PITPNM2: variants seen among roughly 807,000 people sequenced by gnomAD.
PITPNM2 encodes the protein membrane-associated phosphatidylinositol transfer protein 2.
A neutral mutation model predicts 132.2 loss-of-function variants in PITPNM2; 35 were observed. The ratio of observed to expected loss-of-function variants is 0.26; its 90% CI spans 0.20 to 0.35. PITPNM2 has a LOEUF of 0.35. Ranked by LOEUF, PITPNM2 falls within the 10% of genes least tolerant of loss-of-function variation. The pLI is 1.00. For missense variants in PITPNM2, 1,332 were observed against 1,912.0 expected (o/e 0.70, Z 5.66); for synonymous variants, 738 against 799.2 (o/e 0.92, Z 1.29).
chr12:123,138,099 T>C (rs949625996), intron 1 of PITPNM2, among the ~76,000 whole-genome samples: 1 of 151,980 alleles, frequency 6.6e-6, no homozygotes, highest in Non-Finnish European at 1.5e-5. Context: ...TATCAATGGA[T>C]GAATGAAGAA....
rs2043176007 is a variant in PITPNM2 at position 123,127,792 on chromosome 12, G to A, written c.-199-17304C>T. 7.2e-5 allele frequency among the ~76,000 whole-genome samples: 11 copies of A among 152,086 alleles called. No homozygotes were observed. The South Asian group carries it at 2.3e-3, about 32-fold the overall frequency. Reference sequence around the variant, plus strand: ...GCCTGGCTAATTTTTTGTATTTTTAGTAGAGACGGGGTTTCACCGCGTTAG... The same window carrying A: ...GCCTGGCTAATTTTTTGTATTTTTAATAGAGACGGGGTTTCACCGCGTTAG... On this transcript the variant is annotated intron_variant, in intron 1 of 25. Transcript: ENST00000320201.
chr12:123,036,722 G>A lies in PITPNM2; in HGVS notation c.-95-2037C>T, dbSNP rs559838988. Among the ~76,000 whole-genome samples, 1 of 152,322 alleles carries A rather than the reference G, an allele frequency of 6.6e-6. No individual in the cohort carries two copies. Among genetic ancestry groups the A allele is most frequent in the African/African-American group, 2.4e-5 (1 of 41,586 alleles). ...GACCCAGACTCCCCATGGTGCTGCT[G>A]AGCAGCATCACCTGGACACAGAAAT... On this transcript the variant is annotated intron_variant, in intron 2 of 25. Coordinates refer to ENST00000320201, the MANE Select transcript of PITPNM2 (RefSeq NM_020845.3). The surrounding 1 kb of genome is among the most constrained non-coding windows in gnomAD (Gnocchi z 4.1).
intron 5 of PITPNM2, among the ~76,000 whole-genome samples, chr12:123,010,349 G>T (rs2039134677): frequency 6.6e-6 from 1 of 152,202 alleles, no homozygotes; most frequent in African/African-American, 2.4e-5. Context: ...CTCTCAAAGT[G>T]CTGAGATTAC....
At chr12:123,081,792 T>C (rs1329212480) in intron 2 of PITPNM2, 3 of 152,100 alleles carry the variant, frequency 2.0e-5, no homozygotes, top group Non-Finnish European at 4.4e-5. Context: ...TCTGTCTGCT[T>C]CTTGGCAGCT....
chr12:123,049,533 C>T (rs1164363562), intron 2 of PITPNM2, among the ~76,000 whole-genome samples: 1 of 152,186 alleles, frequency 6.6e-6, no homozygotes, highest in Admixed American at 6.5e-5. Context: ...GCACCCATTC[C>T]CCAGGCCAGG....
At position 122,987,374 on chromosome 12, in the gene PITPNM2, A is replaced by G; in HGVS notation, c.3320T>C (p.Phe1107Ser). The G allele has an allele frequency of 6.2e-7, 1 of 1,613,654 alleles. No homozygotes were observed. The highest frequency in any genetic ancestry group is 8.5e-7 in the Non-Finnish European group (1 of 1,180,022). The change falls in exon 23 of 26, where the codon TTC becomes TCC. Residue 1107 changes from phenylalanine (F) to serine (S), a missense_variant. This residue lies in a region of PITPNM2 where 251 missense variants were observed against 472.0 expected (regional missense o/e 0.53). Transcript: ENST00000320201. ...YITVLPKGTE[F>S]VVFSIDGSFA... ...GGAACCGTCGATGCTGAAGACCACG[A>G]ACTCTGTGCCCTTGGGCAGCACGGT...
At chr12:123,037,832 A>C (rs1330835239) in intron 2 of PITPNM2, among the ~76,000 whole-genome samples, 3 of 152,242 alleles carry the variant, frequency 2.0e-5, no homozygotes, top group Non-Finnish European at 4.4e-5. Context: ...GCACCCAGAC[A>C]CTGGCTTGGG....
Position 123,000,596 on chromosome 12 carries a change from G to C in PITPNM2, c.1224+182C>G, listed in dbSNP as rs890617883. 5 of 693,362 alleles carry C rather than the reference G, an allele frequency of 7.2e-6. No individual in the cohort carries two copies. The highest frequency in any genetic ancestry group is 1.2e-5 in the Non-Finnish European group (5 of 400,860). 43.0% of individuals were successfully genotyped at this position (693,362 alleles called of 1,614,324 possible). ...ACCTCAGAGACAGAGGGCGACAGGC[G>C]CCTTCCTAGCAGGGCAGCAAAAAAG... On this transcript the variant is annotated intron_variant, in intron 10 of 25. Transcript: ENST00000320201. This position sits in a 1 kb window ranked among gnomAD's most constrained non-coding sequence, Gnocchi z 5.4.
intron 2 of PITPNM2, among the ~76,000 whole-genome samples, chr12:123,063,982 C>T (rs573964928): frequency 4.2e-4 from 64 of 151,954 alleles, no homozygotes; most frequent in African/African-American, 1.4e-3. Flanking sequence ...GCACACAACA[C>T]CCAAGCAACA....
intron 2 of PITPNM2, among the ~76,000 whole-genome samples, chr12:123,046,723 T>C (rs2040670563): frequency 6.6e-6 from 1 of 152,236 alleles, no homozygotes; most frequent in African/African-American, 2.4e-5. Context: ...CTTTTTCACT[T>C]GGCATCATGT....
Position 122,995,424 on chromosome 12 carries a change from C to T in PITPNM2, c.2019G>A (p.Leu673=), listed in dbSNP as rs1046296381. 1.9e-6 allele frequency: 3 copies of T among 1,611,232 alleles called. No individual in the cohort carries two copies. The highest frequency in any genetic ancestry group is 2.5e-6 in the Non-Finnish European group (3 of 1,178,398). The part of the protein sequence containing the change: ...RKRSDSSTYE[L]DTIQQHQAFL... ...AGGCCTGGTGCTGCTGGATGGTATC[C>T]AGCTCGTAGGTGGATGAGTCGCTCC... is the stretch of plus-strand genomic sequence containing the variant. The change falls in exon 14 of 26, where the codon CTG becomes CTA. Residue 673 remains leucine (L), a synonymous_variant. Transcript: ENST00000320201.
chr12:123,142,251 C>T (rs2043520766), intron 1 of PITPNM2, among the ~76,000 whole-genome samples: 1 of 152,236 alleles, frequency 6.6e-6, no homozygotes, highest in African/African-American at 2.4e-5. Flanking sequence ...TCCCTTGCTA[C>T]TCCCAGCAGC....
At chr12:123,066,049 C>T (rs1404802075) in intron 2 of PITPNM2, among the ~76,000 whole-genome samples, 2 of 152,180 alleles carry the variant, frequency 1.3e-5, no homozygotes, top group African/African-American at 4.8e-5. Flanking sequence ...CGTTTGTGTG[C>T]GTGTGTGTAG....
At position 123,058,894 on chromosome 12, in the gene PITPNM2, T is replaced by G. The variant is rs2041133225; in HGVS notation, c.-95-24209A>C. Among the ~76,000 whole-genome samples, 1 of 151,592 alleles carries G rather than the reference T, an allele frequency of 6.6e-6. No homozygotes were observed. Among genetic ancestry groups the G allele is most frequent in the Admixed American group, 6.6e-5 (1 of 15,216 alleles). ...CCTCCGAGACTACTCTGGGCAAAGCTGAGTGCCCAGGTGCATTGAGAGCAC... is the reference window on the plus strand; with the variant it reads ...CCTCCGAGACTACTCTGGGCAAAGCGGAGTGCCCAGGTGCATTGAGAGCAC... On this transcript the variant is annotated intron_variant, in intron 2 of 25. Transcript: ENST00000320201. The surrounding 1 kb of genome is among the most constrained non-coding windows in gnomAD (Gnocchi z 4.0).
chr12:123,014,558 G>A (rs186147026), intron 3 of PITPNM2, among the ~76,000 whole-genome samples: 2 of 152,204 alleles, frequency 1.3e-5, no homozygotes, highest in East Asian at 3.9e-4. Context: ...AGAAAAATTA[G>A]CCAGGCATGT....
chr12:123,137,489 C>T (rs1306644557), intron 1 of PITPNM2, among the ~76,000 whole-genome samples: 1 of 152,148 alleles, frequency 6.6e-6, no homozygotes, highest in Admixed American at 6.5e-5. Context: ...CATGAGTGTA[C>T]TTGACAGCTC....
rs1566300502 is a variant in PITPNM2 at position 123,117,922 on chromosome 12, C to G, written c.-199-7434G>C. 2.6e-5 allele frequency among the ~76,000 whole-genome samples: 4 copies of G among 152,228 alleles called. No individual in the cohort carries two copies. The highest frequency in any genetic ancestry group is 7.2e-5 in the African/African-American group (3 of 41,460). ...AATGCCCCATGCAATCTCCTATGCT[C>G]CCTCTTTCTCTGCTTACCAGCCAGC... is the stretch of plus-strand genomic sequence containing the variant. On this transcript the variant is annotated intron_variant, in intron 1 of 25. Transcript: ENST00000320201. The surrounding 1 kb of genome is among the most constrained non-coding windows in gnomAD (Gnocchi z 4.7).
At chr12:123,137,691 A>G (rs2043410522) in intron 1 of PITPNM2, among the ~76,000 whole-genome samples, 1 of 152,040 alleles carries the variant, frequency 6.6e-6, no homozygotes, top group Admixed American at 6.6e-5. Context: ...CCAGGAGTTT[A>G]AGACCAGCCT....
At chr12:122,995,313 T>C (rs951447334) in intron 14 of PITPNM2, 76 bp downstream of exon 14, 1 of 1,510,346 alleles carries the variant, frequency 6.6e-7, no homozygotes, top group African/African-American at 1.4e-5. Context: ...CTGTTGGCCA[T>C]CACAGGGGAT....
Sources: gnomAD v4.1 joint callset for allele counts (sites outside exome capture counted in the v4.1 genomes callset) on GRCh38, gnomAD v4.1.1 for gene constraint, gnomAD v4.1.1 regional missense constraint, Gnocchi (gnomAD v3.1) non-coding constraint, MANE v1.5 for transcripts, NCBI Gene and HGNC (gene_info 2026-07-23, HGNC 2026-07-21) for gene names.